PSME3: variants seen among roughly 807,000 people sequenced by gnomAD.
The protein encoded by PSME3 is proteasome activator complex subunit 3.
A neutral mutation model predicts 38.3 loss-of-function variants in PSME3; 7 were observed. The ratio of observed to expected loss-of-function variants is 0.18; its 90% CI spans 0.10 to 0.34. PSME3 has a LOEUF of 0.34. Ranked by LOEUF, PSME3 falls within the 10% of genes least tolerant of loss-of-function variation. The pLI is 1.00. For synonymous variants in PSME3, 108 were observed against 105.7 expected (o/e 1.02, Z -0.13); for missense variants, 192 against 307.6 (o/e 0.62, Z 2.81).
intron 4 of PSME3, among the ~76,000 whole-genome samples, chr17:42,836,019 T>C (rs529251037): frequency 3.6e-4 from 54 of 149,966 alleles, no homozygotes; most frequent in South Asian, 1.3e-3. Context: ...TTTTTTTTTT[T>C]CCTTGAGACA....
chr17:42,838,947 G>A lies in PSME3; in HGVS notation c.477G>A (p.Glu159=), dbSNP rs2055496954. Residue 159 remains glutamate, a splice_region_variant and synonymous_variant, in exon 8 of 11, where the codon GAG becomes GAA. Coordinates refer to ENST00000590720, the MANE Select transcript of PSME3 (RefSeq NM_005789.4). ...DGNNFGVSIQ[E]ETVAELRTVE... The stretch of plus-strand genomic sequence containing the variant: ...CACCTGTTGTTTGTTTGTTTTAGGA[G>A]GAAACAGTTGCAGAGCTAAGAACTG... 6.2e-7 allele frequency: 1 copy of A among 1,614,134 alleles called. No individual in the cohort carries two copies. The highest frequency in any genetic ancestry group is 8.5e-7 in the Non-Finnish European group (1 of 1,180,008).
Position 42,838,127 on chromosome 17 carries a change from G to A in PSME3, c.327G>A (p.Leu109=). Residue 109 remains leucine, a synonymous_variant, in exon 6 of 11, where the codon CTG becomes CTA. Transcript: ENST00000590720. Reference sequence around the variant, plus strand: ...TGTTTGTGATGCCCAATGGGATGCTGAAAAGCAACCAGCAGCTGGTGGACA... The same window carrying A: ...TGTTTGTGATGCCCAATGGGATGCTAAAAAGCAACCAGCAGCTGGTGGACA... ...TKVFVMPNGM[L]KSNQQLVDII... 1 of 1,614,142 alleles carries A rather than the reference G, an allele frequency of 6.2e-7. No homozygotes were observed. Among genetic ancestry groups the A allele is most frequent in the East Asian group, 2.2e-5 (1 of 44,874 alleles).
chr17:42,834,358 G>A lies in PSME3; in HGVS notation c.57G>A (p.Arg19=), dbSNP rs1342096858. 2.5e-5 allele frequency: 41 copies of A among 1,613,744 alleles called. No individual in the cohort carries two copies. The highest frequency in any genetic ancestry group is 3.4e-5 in the Non-Finnish European group (40 of 1,180,004). ...GTTAATTTTAGGTTGATTCTTTCAGGGAGCGGATCACAAGTGAGGTGAGTG... is the reference window on the plus strand; with the variant it reads ...GTTAATTTTAGGTTGATTCTTTCAGAGAGCGGATCACAAGTGAGGTGAGTG... ...QEVKLKVDSF[R]ERITSEAEDL... Residue 19 remains arginine (R), a synonymous_variant, in exon 2 of 11, where the codon AGG becomes AGA. Coordinates refer to ENST00000590720, the MANE Select transcript of PSME3 (RefSeq NM_005789.4).
intron 4 of PSME3, among the ~76,000 whole-genome samples, 173 bp from the exon 5 acceptor site, chr17:42,837,476 C>T (rs538653186): frequency 2.0e-5 from 3 of 152,284 alleles, no homozygotes; most frequent in East Asian, 1.9e-4. Flanking sequence ...TGAGCCACCG[C>T]GCCTTGCCTC....
At chr17:42,833,777 T>G (rs1418125007) in intron 1 of PSME3, 104 bp downstream of exon 1, 11 of 1,607,346 alleles carry the variant, frequency 6.8e-6, no homozygotes, top group Non-Finnish European at 9.3e-6. Context: ...GGATACCAGC[T>G]CTGAGCTTCC....
chr17:42,840,324 G>A (rs182562985), intron 10 of PSME3, among the ~76,000 whole-genome samples: 1 of 150,704 alleles, frequency 6.6e-6, no homozygotes, highest in African/African-American at 2.4e-5. Context: ...GGACTGAAGA[G>A]GCCGGGTGTG....
At chr17:42,841,005 C>G (rs1458562509) in intron 10 of PSME3, among the ~76,000 whole-genome samples, 4 of 151,732 alleles carry the variant, frequency 2.6e-5, no homozygotes, top group Non-Finnish European at 5.9e-5. Flanking sequence ...TGGTGGCAGG[C>G]GCCTGTAGTC....
chr17:42,839,983 C>G (rs1480821013), intron 10 of PSME3, among the ~76,000 whole-genome samples: 1 of 145,078 alleles, frequency 6.9e-6, no homozygotes, highest in Non-Finnish European at 1.5e-5. Flanking sequence ...GCAACAAGAG[C>G]GAAACTCCAT....
rs1597959382 is a variant in PSME3, at chr17:42,843,401, G to A, written c.*1823G>A. 1 of 152,548 alleles carries A rather than the reference G, an allele frequency of 6.6e-6. No individual in the cohort carries two copies. Among genetic ancestry groups the A allele is most frequent in the South Asian group, 2.1e-4 (1 of 4,826 alleles). 9.4% of individuals were successfully genotyped at this position (152,548 alleles called of 1,614,324 possible). On this transcript the variant is annotated 3_prime_UTR_variant, in exon 11 of 11. Coordinates refer to ENST00000590720, the MANE Select transcript of PSME3 (RefSeq NM_005789.4). ...TTCCCCAGTATAGTGGAAAGACTGA[G>A]GCTTCTGCCTACTGAGCAAGGTTGG...
chr17:42,833,533 T>G lies in PSME3; in HGVS notation c.-99T>G, dbSNP rs961747477. 15 of 1,511,956 alleles carry G rather than the reference T, an allele frequency of 9.9e-6. No individual in the cohort carries two copies. In the East Asian group the frequency reaches 2.7e-4, roughly 28 times the overall value. The allele number at this position is 1,511,956 out of a possible 1,614,324, so 93.7% of individuals were successfully genotyped here. A position where few individuals can be genotyped will look rare whatever the true frequency, so the allele number is the denominator to read the frequency against. ...GAGTAAGCCAGCAAGGGCGGTCGGGTCCCGAGGTCAGCCGAGATTTCTCAG... is the reference window on the plus strand; with the variant it reads ...GAGTAAGCCAGCAAGGGCGGTCGGGGCCCGAGGTCAGCCGAGATTTCTCAG... On this transcript the variant is annotated 5_prime_UTR_variant, in exon 1 of 11. Coordinates refer to ENST00000590720, the MANE Select transcript of PSME3 (RefSeq NM_005789.4).
In PSME3 at chr17:42,841,601, C is replaced by T. The variant is rs760237165; in HGVS notation, c.*23C>T. ...TGAGGCCAGGGCCAGGGCCAGGGGA[C>T]TCTGTGAGTCTGGCTCAAGACCGAC... On this transcript the variant is annotated 3_prime_UTR_variant, in exon 11 of 11. Coordinates refer to ENST00000590720, the MANE Select transcript of PSME3 (RefSeq NM_005789.4). 3.3e-6 allele frequency: 5 copies of T among 1,518,634 alleles called. No individual in the cohort carries two copies. The highest frequency in any genetic ancestry group is 2.0e-5 in the Admixed American group (1 of 50,062). 94.1% of individuals were successfully genotyped at this position (1,518,634 alleles called of 1,614,324 possible).
Position 42,833,495 on chromosome 17 carries a change from G to A in PSME3, c.-137G>A. On this transcript the variant is annotated 5_prime_UTR_variant, in exon 1 of 11. Transcript: ENST00000590720. ...CGGGCGGACGGCACAGAGGGAGGGA[G>A]CGAGCGAGCAGTGAGTAAGCCAGCA... 3 of 1,043,186 alleles carry A rather than the reference G, an allele frequency of 2.9e-6. No homozygotes were observed. The highest frequency in any genetic ancestry group is 4.3e-6 in the Non-Finnish European group (3 of 700,078). The allele number at this position is 1,043,186 out of a possible 1,614,324, so 64.6% of individuals were successfully genotyped here.
intron 1 of PSME3, 80 bp from the exon 2 acceptor site, chr17:42,834,264 A>G: frequency 6.2e-7 from 1 of 1,608,434 alleles, no homozygotes; most frequent in South Asian, 1.1e-5. Flanking sequence ...AAGGTGAGGG[A>G]AAGACAGTTG....
At chr17:42,835,013 T>A in intron 4 of PSME3, 137 bp downstream of exon 4, 1 of 1,187,220 alleles carries the variant, frequency 8.4e-7, no homozygotes, top group Non-Finnish European at 1.1e-6. Context: ...ACATGATGAC[T>A]CTAGTATAGT....
rs1448119948 is a variant in PSME3 at position 42,838,818 on chromosome 17, A to T, written c.474+19A>T. On this transcript the variant is annotated intron_variant, in intron 7 of 10. Transcript: ENST00000590720. ...CATTCAGGTAATGTACTTGAATTAC[A>T]TACTGGGAAGAGTGGCTTGGGAGAT... The T allele has an allele frequency of 1.0e-5, 16 of 1,582,502 alleles. No individual in the cohort carries two copies. The East Asian group carries it at 2.2e-4, about 22-fold the overall frequency.
Position 42,833,488 on chromosome 17 carries a change from G to T in PSME3, c.-144G>T. The T allele has an allele frequency of 1.0e-6, 1 of 983,880 alleles. No individual in the cohort carries two copies. The allele number at this position is 983,880 out of a possible 1,614,324, so 60.9% of individuals were successfully genotyped here. On this transcript the variant is annotated 5_prime_UTR_variant, in exon 1 of 11. Transcript: ENST00000590720. Reference sequence around the variant, plus strand: ...CGGCGGGCGGGCGGACGGCACAGAGGGAGGGAGCGAGCGAGCAGTGAGTAA... The same window carrying T: ...CGGCGGGCGGGCGGACGGCACAGAGTGAGGGAGCGAGCGAGCAGTGAGTAA...
chr17:42,840,993 T>A (rs938372751), intron 10 of PSME3, among the ~76,000 whole-genome samples: 2 of 151,112 alleles, frequency 1.3e-5, no homozygotes, highest in South Asian at 2.1e-4. Context: ...ATTAGCCGGG[T>A]GTGGTGGCAG....
intron 1 of PSME3, chr17:42,834,058 C>T: frequency 6.9e-7 from 1 of 1,442,890 alleles, no homozygotes. Context: ...CACATCTTCC[C>T]TAACTACCTG....
chr17:42,838,343 C>T, intron 6 of PSME3, 138 bp downstream of exon 6: 3 of 1,427,114 alleles, frequency 2.1e-6, no homozygotes, highest in South Asian at 1.5e-5. Flanking sequence ...GGTCTCGCTC[C>T]ATCACCCAGG....
Sources: gnomAD v4.1 joint callset for allele counts (sites outside exome capture counted in the v4.1 genomes callset) on GRCh38, gnomAD v4.1.1 for gene constraint, MANE v1.5 for transcripts, NCBI Gene and HGNC (gene_info 2026-07-23, HGNC 2026-07-21) for gene names.